Variants in MYSM1 observed in about 807,000 individuals in gnomAD.
The protein encoded by MYSM1 is deubiquitinase MYSM1.
In MYSM1, 51 loss-of-function variants were observed where a neutral mutation model predicts 116.0. That is an observed-to-expected ratio of 0.44 (90% CI 0.35 to 0.56). The LOEUF is 0.56. MYSM1 is among the 20% of genes least tolerant of loss of function. MYSM1 has a pLI of 0.00. For synonymous variants in MYSM1, 313 were observed against 315.2 expected (o/e 0.99, Z 0.07); for missense variants, 900 against 974.9 (o/e 0.92, Z 1.02).
chr1:58,661,560 C>T, intron 17 of MYSM1, 49 bp from the exon 18 acceptor site: 1 of 1,038,036 alleles, frequency 9.6e-7, no homozygotes, highest in Non-Finnish European at 1.5e-6. Context: ...TCTTAACTCT[C>T]CAATCTCCTT....
At chr1:58,661,895 T>C (rs1172152984) in intron 17 of MYSM1, among the ~76,000 whole-genome samples, 1 of 151,928 alleles carries the variant, frequency 6.6e-6, no homozygotes, top group Non-Finnish European at 1.5e-5. Context: ...AACTAAGACA[T>C]ATTGCCATCC....
Position 58,660,135 on chromosome 1 carries a change from C to G in MYSM1, c.2349G>C (p.Lys783Asn). 6.3e-7 allele frequency: 1 copy of G among 1,588,984 alleles called. No homozygotes were observed. Among genetic ancestry groups the G allele is most frequent in the African/African-American group, 1.4e-5 (1 of 73,410 alleles). Residue 783 changes from lysine to asparagine, a missense_variant, in exon 20 of 20, where the codon AAG becomes AAC. By Grantham distance (94) the Lys-to-Asn change is moderately conservative (BLOSUM62 0). Transcript: ENST00000472487. ...AGCAATTGGTCACTTTGCTCAGAGT[C>G]TTCCTCATACACTCCAAAAGCTAGT... ...CLQKLLECMR[K>N]TLSKVTNCFM...
At chr1:58,695,937 A>G (rs1644967564) in intron 1 of MYSM1, among the ~76,000 whole-genome samples, 1 of 152,168 alleles carries the variant, frequency 6.6e-6, no homozygotes, top group South Asian at 2.1e-4. Context: ...TATAAATTTA[A>G]TATTTTGCTT....
chr1:58,660,094 A>T lies in MYSM1; in HGVS notation c.2390T>A (p.Phe797Tyr). 2 of 1,611,344 alleles carry T rather than the reference A, an allele frequency of 1.2e-6. No individual in the cohort carries two copies. Among genetic ancestry groups the T allele is most frequent in the East Asian group, 2.2e-5 (1 of 44,774 alleles). ...GAACAAATTTTCTATTTCAGTCAAGAATTCTTCAGCCATAAAGCAATTGGT... is the reference window on the plus strand; with the variant it reads ...GAACAAATTTTCTATTTCAGTCAAGTATTCTTCAGCCATAAAGCAATTGGT... ...KVTNCFMAEEFLTEIENLFLS... is the reference protein window; with the variant it reads ...KVTNCFMAEEYLTEIENLFLS... Residue 797 changes from phenylalanine (F) to tyrosine (Y), a missense_variant, in exon 20 of 20, where the codon TTC (phenylalanine) becomes TAC (tyrosine). Phe to Tyr is a conservative substitution (Grantham distance 22). Around this residue, in one of 3 missense-constraint regions of MYSM1, gnomAD observed 186 missense variants for 196.2 expected, o/e 0.95. Coordinates refer to ENST00000472487, the MANE Select transcript of MYSM1 (RefSeq NM_001085487.3).
At position 58,692,857 on chromosome 1, in the gene MYSM1, A is replaced by G. The variant is rs760436738; in HGVS notation, c.218+4T>C. The G allele has an allele frequency of 6.2e-7, 1 of 1,606,144 alleles. No homozygotes were observed. The highest frequency in any genetic ancestry group is 1.1e-5 in the South Asian group (1 of 89,584). ...GTACTTTCCTCATAATCATTAAAGG[A>G]TACTCTTCTTCCAACAACATTTTCT... On this transcript the variant is annotated splice_donor_region_variant and intron_variant, in intron 3 of 19. Coordinates refer to ENST00000472487, the MANE Select transcript of MYSM1 (RefSeq NM_001085487.3).
At chr1:58,691,854 G>A (rs949206078) in intron 3 of MYSM1, among the ~76,000 whole-genome samples, 2 of 152,006 alleles carry the variant, frequency 1.3e-5, no homozygotes, top group Non-Finnish European at 2.9e-5. Context: ...GTGACAAGGC[G>A]AGATTCCGTC....
chr1:58,679,794 G>T (rs190685926), intron 8 of MYSM1, among the ~76,000 whole-genome samples: 1 of 151,790 alleles, frequency 6.6e-6, no homozygotes, highest in African/African-American at 2.4e-5. Flanking sequence ...TTGGGTGGCC[G>T]AGGTGAGTGG....
chr1:58,673,524 A>G, intron 11 of MYSM1, 49 bp downstream of exon 11: 1 of 1,429,854 alleles, frequency 7.0e-7, no homozygotes, highest in Non-Finnish European at 9.9e-7. Context: ...ACAAATATAT[A>G]TTTAAAAACC....
At chr1:58,665,826 C>G (rs1412128713) in intron 16 of MYSM1, among the ~76,000 whole-genome samples, 195 bp from the exon 17 acceptor site, 1 of 152,156 alleles carries the variant, frequency 6.6e-6, no homozygotes, top group Non-Finnish European at 1.5e-5. Flanking sequence ...AGGCGGACTG[C>G]TTGAGGTCAG....
intron 15 of MYSM1, among the ~76,000 whole-genome samples, chr1:58,667,556 C>T (rs1644492764): frequency 6.6e-6 from 1 of 151,722 alleles, no homozygotes; most frequent in South Asian, 2.1e-4. Context: ...AAACTTTCAA[C>T]TAAAGTGTTA....
chr1:58,687,846 A>C (rs1386395431), intron 6 of MYSM1, among the ~76,000 whole-genome samples: 1 of 152,192 alleles, frequency 6.6e-6, no homozygotes, highest in Non-Finnish European at 1.5e-5. Flanking sequence ...TATAAGCAGC[A>C]GCGGGCTCTG....
chr1:58,667,970 A>G, intron 14 of MYSM1, 49 bp from the exon 15 acceptor site: 1 of 1,253,110 alleles, frequency 8.0e-7, no homozygotes, highest in African/African-American at 1.5e-5. Context: ...AACCCACCTG[A>G]CAAAGTAACA....
In MYSM1 at chr1:58,655,288, C is replaced by G. The variant is rs551498763; in HGVS notation, c.*4709G>C. 2.7e-5 allele frequency: 4 copies of G among 147,730 alleles called. No homozygotes were observed. The highest frequency in any genetic ancestry group is 1.0e-4 in the African/African-American group (4 of 39,870). The allele number at this position is 147,730 out of a possible 1,614,324, so 9.2% of individuals were successfully genotyped here. A position where few individuals can be genotyped will look rare whatever the true frequency, so the allele number is the denominator to read the frequency against. ...CATATTTAACTGACTTCTTAAGAGA[C>G]GAGGAAATGTCAAAAATAGCAAATC... On this transcript the variant is annotated 3_prime_UTR_variant, in exon 20 of 20. Transcript: ENST00000472487.
At chr1:58,690,442 T>C in intron 3 of MYSM1, 25 bp from the exon 4 acceptor site, 1 of 1,461,238 alleles carries the variant, frequency 6.8e-7, no homozygotes. Context: ...AGGAAACTTT[T>C]TAAACAATAT....
intron 12 of MYSM1, 74 bp from the exon 13 acceptor site, chr1:58,669,112 G>T: frequency 8.8e-7 from 1 of 1,133,302 alleles, no homozygotes; most frequent in Non-Finnish European, 1.3e-6. Flanking sequence ...AAATCTGAAA[G>T]TGTATATCAA....
In MYSM1 at chr1:58,655,163, C is replaced by T. The variant is rs1179916824; in HGVS notation, c.*4834G>A. 1 of 152,120 alleles carries T rather than the reference C, an allele frequency of 6.6e-6. No homozygotes were observed. Among genetic ancestry groups the T allele is most frequent in the Admixed American group, 6.5e-5 (1 of 15,272 alleles). 9.4% of individuals were successfully genotyped at this position (152,120 alleles called of 1,614,324 possible). On this transcript the variant is annotated 3_prime_UTR_variant, in exon 20 of 20. Coordinates refer to ENST00000472487, the MANE Select transcript of MYSM1 (RefSeq NM_001085487.3). ...CAAATCTAAAAGATATATGACTAATCTATTTAACTCACGCTAGAATCTAAA... is the reference window on the plus strand; with the variant it reads ...CAAATCTAAAAGATATATGACTAATTTATTTAACTCACGCTAGAATCTAAA...
chr1:58,666,638 C>A (rs12746851), intron 16 of MYSM1, among the ~76,000 whole-genome samples: 5 of 146,964 alleles, frequency 3.4e-5, no homozygotes, highest in African/African-American at 5.0e-5. Context: ...TTTTGGAGGC[C>A]GAGGCGGGCC....
chr1:58,698,687 T>C (rs1356015194), intron 1 of MYSM1, among the ~76,000 whole-genome samples: 2 of 152,184 alleles, frequency 1.3e-5, no homozygotes, highest in Non-Finnish European at 2.9e-5. Context: ...TGCCAACCTA[T>C]TTCATTAACT....
At chr1:58,678,805 T>C (rs1644693802) in intron 8 of MYSM1, among the ~76,000 whole-genome samples, 1 of 152,026 alleles carries the variant, frequency 6.6e-6, no homozygotes, top group African/African-American at 2.4e-5. Context: ...CTTGACAAAA[T>C]ATGGGGGAAG....
Sources: gnomAD v4.1 joint callset for allele counts (sites outside exome capture counted in the v4.1 genomes callset) on GRCh38, gnomAD v4.1.1 for gene constraint, gnomAD v4.1.1 regional missense constraint, MANE v1.5 for transcripts, NCBI Gene and HGNC (gene_info 2026-07-23, HGNC 2026-07-21) for gene names.